MBOAT7: variants seen among roughly 807,000 people sequenced by gnomAD.
The protein encoded by MBOAT7 is membrane-bound acylglycerophosphatidylinositol O-acyltransferase MBOAT7.
In MBOAT7, 40 loss-of-function variants were observed where a neutral mutation model predicts 47.4. The ratio of observed to expected loss-of-function variants is 0.84; its 90% CI spans 0.66 to 1.10. The LOEUF (loss-of-function observed/expected upper bound fraction) is 1.10, where lower values mean the gene tolerates loss of function less well. Ranked by LOEUF, MBOAT7 falls within the 50% of genes least tolerant of loss-of-function variation. The pLI is 0.00. For synonymous variants in MBOAT7, 361 were observed against 292.0 expected (o/e 1.24, Z -2.41); for missense variants, 680 against 655.6 (o/e 1.04, Z -0.41).
At chr19:54,184,761 G>A (rs1024939766) in intron 4 of MBOAT7, among the ~76,000 whole-genome samples, 13 of 151,992 alleles carry the variant, frequency 8.6e-5, no homozygotes, top group South Asian at 2.1e-4. Flanking sequence ...AAAATTAGCC[G>A]GGCATGGTGG....
At chr19:54,184,818 C>T (rs1334233281) in intron 4 of MBOAT7, among the ~76,000 whole-genome samples, 7 of 150,422 alleles carry the variant, frequency 4.7e-5, no homozygotes, top group East Asian at 4.0e-4. Flanking sequence ...GCAGGAGAAT[C>T]GCTTGAACCT....
chr19:54,174,168 CAGA>C lies in MBOAT7; in HGVS notation c.1292_1294del (p.Phe431del). 3.7e-6 allele frequency: 6 copies of C among 1,601,068 alleles called. No homozygotes were observed. Among genetic ancestry groups the C allele is most frequent in the Non-Finnish European group, 5.1e-6 (6 of 1,173,922 alleles). On this transcript the variant is annotated inframe_deletion, in exon 8 of 8. Coordinates refer to ENST00000245615, the MANE Select transcript of MBOAT7 (RefSeq NM_024298.5). ...GGCTGCCAGGGCCAGGAAGTGGATA[CAGA>C]AGTAGATGGAGGCCCAGTACCGAAG...
intron 4 of MBOAT7, among the ~76,000 whole-genome samples, chr19:54,184,232 G>A (rs2076369673): frequency 7.3e-6 from 1 of 136,136 alleles, no homozygotes; most frequent in Non-Finnish European, 1.5e-5. Flanking sequence ...GTGTGATCTC[G>A]GCTCACTGCA....
chr19:54,188,175 CT>C, intron 3 of MBOAT7, 41 bp downstream of exon 3: 1 of 1,546,316 alleles, frequency 6.5e-7, no homozygotes, highest in Non-Finnish European at 8.7e-7. Context: ...TTGCTTCCCC[CT>C]CTCCCCTCCT....
Position 54,177,900 on chromosome 19 carries a change from G to GTTTTTTTTT in MBOAT7, c.1031+856_1031+864dup, listed in dbSNP as rs761565984. On this transcript the variant is annotated intron_variant, in intron 7 of 7. Transcript: ENST00000245615. ...ATGCCTGGCTATGAGTTCTACTTCT[G>GTTTTTTTTT]TTTTTTTTTTTTTTTTTTTTTTTTT... Among the ~76,000 whole-genome samples the GTTTTTTTTT allele has an allele frequency of 2.8e-3, 209 of 75,972 alleles. 46 individuals carry two copies. In the Middle Eastern group the frequency reaches 0.037, roughly 13 times the overall value. 49.8% of individuals were successfully genotyped at this position (75,972 alleles called of 152,430 possible).
Position 54,173,446 on chromosome 19 carries a change from C to T in MBOAT7, c.*598G>A, listed in dbSNP as rs2075968486. 3 of 266,086 alleles carry T rather than the reference C, an allele frequency of 1.1e-5. No homozygotes were observed. In the Admixed American group the frequency reaches 1.5e-4, roughly 13 times the overall value. The allele number at this position is 266,086 out of a possible 1,614,324, so 16.5% of individuals were successfully genotyped here. A position where few individuals can be genotyped will look rare whatever the true frequency, so the allele number is the denominator to read the frequency against. On this transcript the variant is annotated 3_prime_UTR_variant, in exon 8 of 8. Coordinates refer to ENST00000245615, the MANE Select transcript of MBOAT7 (RefSeq NM_024298.5). ...GCAACACTTTATTGGGAAAGATTTACACACGGTGACCTGTCATAGGCCAAG... is the reference window on the plus strand; with the variant it reads ...GCAACACTTTATTGGGAAAGATTTATACACGGTGACCTGTCATAGGCCAAG...
At chr19:54,185,614 A>T (rs1008923591) in intron 4 of MBOAT7, among the ~76,000 whole-genome samples, 2 of 152,130 alleles carry the variant, frequency 1.3e-5, no homozygotes. Flanking sequence ...ACAAAGGAGG[A>T]TCCCTTTATC....
chr19:54,180,974 C>G lies in MBOAT7; in HGVS notation c.653G>C (p.Arg218Pro), dbSNP rs185682596. 1.3e-3 allele frequency: 2,043 copies of G among 1,571,302 alleles called. 5 individuals carry two copies. The highest frequency in any genetic ancestry group is 1.6e-3 in the Non-Finnish European group (1,892 of 1,159,604). The change falls in exon 6 of 8, where the codon CGC becomes CCC. Residue 218 changes from arginine to proline, a missense_variant. Coordinates refer to ENST00000245615, the MANE Select transcript of MBOAT7 (RefSeq NM_024298.5). This position sits in a 1 kb window ranked among gnomAD's most constrained non-coding sequence, Gnocchi z 5.2. ...SSHLFPLEAV[R>P]EDAFYARPLP... ...CGGGCGGGCGTAGAAGGCGTCCTCG[C>G]GCACGGCCTCCAGCGGGAAGAGGTG...
intron 7 of MBOAT7, 22 bp downstream of exon 7, chr19:54,178,743 G>A: frequency 6.2e-7 from 1 of 1,611,328 alleles, no homozygotes; most frequent in Non-Finnish European, 8.5e-7. Flanking sequence ...AGTGTCACCT[G>A]AGACTGGGCG....
intron 2 of MBOAT7, 42 bp downstream of exon 2, chr19:54,188,390 GT>G: frequency 1.9e-6 from 3 of 1,595,348 alleles, no homozygotes; most frequent in Non-Finnish European, 2.6e-6. Flanking sequence ...CTTCCAGAGG[GT>G]CCCCCCCCTT....
At chr19:54,182,973 T>C (rs1042689581) in intron 5 of MBOAT7, among the ~76,000 whole-genome samples, 3 of 152,006 alleles carry the variant, frequency 2.0e-5, no homozygotes, top group Non-Finnish European at 2.9e-5. Context: ...AGTGCTGGGA[T>C]TACAGGCGTG....
intron 7 of MBOAT7, among the ~76,000 whole-genome samples, chr19:54,176,192 T>C (rs1044456902): frequency 6.6e-6 from 1 of 152,190 alleles, no homozygotes; most frequent in Non-Finnish European, 1.5e-5. Context: ...TCTTGCTATG[T>C]TGACCTGGCT....
At chr19:54,183,365 G>A (rs2076339119) in intron 5 of MBOAT7, among the ~76,000 whole-genome samples, 156 bp downstream of exon 5, 1 of 152,198 alleles carries the variant, frequency 6.6e-6, no homozygotes, top group African/African-American at 2.4e-5. Context: ...GTCCAGCGGA[G>A]GTGTGAGACG....
Position 54,180,859 on chromosome 19 carries a change from GCAGCCGCACTCGGCGGCAATC to G in MBOAT7, c.747_767del (p.Trp249_Gly255del). On this transcript the variant is annotated inframe_deletion, in exon 6 of 8. Transcript: ENST00000245615. The surrounding 1 kb of genome is among the most constrained non-coding windows in gnomAD (Gnocchi z 5.2). Reference sequence around the variant, plus strand: ...GGTAGGCCCCAAAGCCGGCGGCAATGCAGCCGCACTCGGCGGCAATCCAGGCCACGTAGAAGCGCATGCGGA... The same window carrying G: ...GGTAGGCCCCAAAGCCGGCGGCAATGCAGGCCACGTAGAAGCGCATGCGGA... The G allele has an allele frequency of 1.3e-6, 2 of 1,585,020 alleles. No individual in the cohort carries two copies. Among genetic ancestry groups the G allele is most frequent in the Non-Finnish European group, 1.7e-6 (2 of 1,168,168 alleles).
At chr19:54,184,904 C>CAAAAAA (rs71195748) in intron 4 of MBOAT7, among the ~76,000 whole-genome samples, 8 of 88,406 alleles carry the variant, frequency 9.0e-5, no homozygotes, top group Admixed American at 1.2e-4. Flanking sequence ...AACTCCGTCT[C>CAAAAAA]AAAAAAAAAA....
At chr19:54,188,598 T>C (rs1371726499) in intron 1 of MBOAT7, 87 bp from the exon 2 acceptor site, 5 of 1,291,000 alleles carry the variant, frequency 3.9e-6, no homozygotes, top group Middle Eastern at 2.1e-4. Flanking sequence ...GAACCCAGCC[T>C]TCTAGACCCC....
In MBOAT7 at chr19:54,188,279, G is replaced by C; in HGVS notation, c.144C>G (p.Pro48=). 6.2e-7 allele frequency: 1 copy of C among 1,613,978 alleles called. No homozygotes were observed. The highest frequency in any genetic ancestry group is 2.2e-5 in the East Asian group (1 of 44,860). The change falls in exon 3 of 8, where the codon CCC becomes CCG. Residue 48 remains proline, a synonymous_variant. Transcript: ENST00000245615. ...TGGTGACCAGAGAATGCAAAGTGTG[G>C]GGGCCACAGGTGAACAGGGTGAGCC... is the stretch of plus-strand genomic sequence containing the variant. ...GLGLTLFTCG[P]HTLHSLVTIL...
chr19:54,187,283 A>G lies in MBOAT7; in HGVS notation c.211T>C (p.Cys71Arg). 6.2e-7 allele frequency: 1 copy of G among 1,609,340 alleles called. No homozygotes were observed. The highest frequency in any genetic ancestry group is 1.7e-4 in the Middle Eastern group (1 of 6,046). Reference sequence around the variant, plus strand: ...GTCCAGGCCAGAGCCAGGGCGTGGCAGGAGCTGGGCAAAAGCAGGAGGCGC... The same window carrying G: ...GTCCAGGCCAGAGCCAGGGCGTGGCGGGAGCTGGGCAAAAGCAGGAGGCGC... ...WALIQAQPCS[C>R]HALALAWTFS... The change falls in exon 4 of 8, where the codon TGC becomes CGC. Residue 71 changes from cysteine to arginine, a missense_variant. By Grantham distance (180) the Cys-to-Arg change is radical. Coordinates refer to ENST00000245615, the MANE Select transcript of MBOAT7 (RefSeq NM_024298.5).
intron 3 of MBOAT7, 34 bp downstream of exon 3, chr19:54,188,173 CCCTCTCCCCT>C (rs771699048): frequency 6.5e-7 from 1 of 1,542,314 alleles, no homozygotes; most frequent in East Asian, 2.3e-5. Context: ...GGTTGCTTCC[CCCTCTCCCCT>C]CCTCTCCCTC....
Sources: gnomAD v4.1 joint callset for allele counts (sites outside exome capture counted in the v4.1 genomes callset) on GRCh38, gnomAD v4.1.1 for gene constraint, Gnocchi (gnomAD v3.1) non-coding constraint, MANE v1.5 for transcripts, NCBI Gene and HGNC (gene_info 2026-07-23, HGNC 2026-07-21) for gene names.